The following FOXP2 variants were observed in gnomAD, a reference collection of about 807,000 sequenced individuals.
FOXP2 encodes forkhead box protein P2.
In FOXP2, 12 loss-of-function variants were observed where a neutral mutation model predicts 115.8. The observed-to-expected ratio is 0.10, with a 90% CI of 0.07 to 0.17. FOXP2 has a LOEUF of 0.17. Among genes scored for constraint, FOXP2 ranks in the 10% least tolerant of loss-of-function variants. The pLI is 1.00. For missense variants in FOXP2, 629 were observed against 843.5 expected (o/e 0.75, Z 3.15); for synonymous variants, 328 against 297.7 (o/e 1.10, Z -1.05).
intron 1 of FOXP2, among the ~76,000 whole-genome samples, chr7:114,286,460 A>C (rs1796470330): frequency 6.6e-6 from 1 of 152,032 alleles, no homozygotes; most frequent in South Asian, 2.1e-4. Context: ...TTCCCTATGA[A>C]TATTGGCAAG....
At chr7:114,379,308 G>A (rs536386596) in intron 2 of FOXP2, among the ~76,000 whole-genome samples, 9 of 152,202 alleles carry the variant, frequency 5.9e-5, no homozygotes, top group African/African-American at 1.2e-4. Context: ...TTGGTTGGGT[G>A]GGAGCTAAGT....
chr7:114,367,391 C>T (rs1164778716), intron 2 of FOXP2, among the ~76,000 whole-genome samples: 1 of 152,070 alleles, frequency 6.6e-6, no homozygotes, highest in East Asian at 1.9e-4. Flanking sequence ...CCAAAAAGCC[C>T]AGCTTTTCAG....
At chr7:114,289,532 A>T (rs1417294199) in intron 2 of FOXP2, among the ~76,000 whole-genome samples, 1 of 151,912 alleles carries the variant, frequency 6.6e-6, no homozygotes, top group Non-Finnish European at 1.5e-5. Flanking sequence ...ATTACTTTTG[A>T]GTAACAGGAT....
At chr7:114,142,629 G>A (rs1792250005) in intron 1 of FOXP2, among the ~76,000 whole-genome samples, 1 of 151,964 alleles carries the variant, frequency 6.6e-6, no homozygotes, top group Non-Finnish European at 1.5e-5. Context: ...GAATTGGTTG[G>A]CATTTGCCAT....
At chr7:114,527,075 TACTG>T (rs906217579) in intron 2 of FOXP2, among the ~76,000 whole-genome samples, 1 of 151,934 alleles carries the variant, frequency 6.6e-6, no homozygotes, top group African/African-American at 2.4e-5. Context: ...TGATTTTTGT[TACTG>T]ACTTTTTTTA....
chr7:114,145,690 T>C (rs1792352901), intron 1 of FOXP2, among the ~76,000 whole-genome samples: 1 of 152,038 alleles, frequency 6.6e-6, no homozygotes. Context: ...GCTAAAATGC[T>C]TAATTTCTAA....
chr7:114,103,400 T>A (rs745641195), intron 1 of FOXP2, among the ~76,000 whole-genome samples: 5 of 152,072 alleles, frequency 3.3e-5, no homozygotes, highest in Non-Finnish European at 7.4e-5. Flanking sequence ...CAGTGGCTCT[T>A]TAGGTTTTAA....
At chr7:114,672,203 AT>A (rs1259123108) in intron 16 of FOXP2, among the ~76,000 whole-genome samples, 1 of 152,240 alleles carries the variant, frequency 6.6e-6, no homozygotes, top group Non-Finnish European at 1.5e-5. Context: ...CTATAAAAAA[AT>A]GTATATTTGC....
At chr7:114,529,327 A>C (rs1183224132) in intron 2 of FOXP2, among the ~76,000 whole-genome samples, 1 of 151,816 alleles carries the variant, frequency 6.6e-6, no homozygotes, top group East Asian at 1.9e-4. Context: ...TTTGGACTTG[A>C]ACCTTGAAGA....
chr7:114,428,928 A>T (rs1442240094), intron 2 of FOXP2, among the ~76,000 whole-genome samples: 8 of 151,618 alleles, frequency 5.3e-5, no homozygotes, highest in African/African-American at 1.9e-4. Context: ...TTACACAAAG[A>T]GTTAAATTAC....
chr7:114,110,614 A>C (rs2129142121), intron 1 of FOXP2, among the ~76,000 whole-genome samples: 1 of 152,208 alleles, frequency 6.6e-6, no homozygotes, highest in Admixed American at 6.6e-5. Context: ...GGAAACCAGA[A>C]GATAATGGTT....
At chr7:114,557,278 A>G (rs1445132919) in intron 3 of FOXP2, among the ~76,000 whole-genome samples, 3 of 152,180 alleles carry the variant, frequency 2.0e-5, no homozygotes, top group South Asian at 2.1e-4. Flanking sequence ...CCTGAAAGCC[A>G]TTTCAGTAGA....
intron 2 of FOXP2, among the ~76,000 whole-genome samples, chr7:114,352,741 T>C (rs2129186101): frequency 6.6e-6 from 1 of 152,134 alleles, no homozygotes; most frequent in Non-Finnish European, 1.5e-5. Context: ...AAACATCCTG[T>C]CCCTAAATAC....
At chr7:114,512,397 A>T (rs1278013107) in intron 2 of FOXP2, among the ~76,000 whole-genome samples, 1 of 152,192 alleles carries the variant, frequency 6.6e-6, no homozygotes, top group Non-Finnish European at 1.5e-5. Flanking sequence ...GCTTATTTAT[A>T]ACCATAACAT....
chr7:114,325,999 A>G (rs938554511), intron 2 of FOXP2, among the ~76,000 whole-genome samples: 5 of 152,060 alleles, frequency 3.3e-5, no homozygotes, highest in African/African-American at 1.2e-4. Flanking sequence ...TTATGATAAT[A>G]ATCAGTGTGT....
At chr7:114,468,668 A>C (rs1303286451) in intron 2 of FOXP2, among the ~76,000 whole-genome samples, 2 of 152,130 alleles carry the variant, frequency 1.3e-5, no homozygotes, top group Non-Finnish European at 2.9e-5. Context: ...AAAGAATTTC[A>C]AACAATTCTT....
intron 3 of FOXP2, among the ~76,000 whole-genome samples, chr7:114,620,705 T>G (rs976871007): frequency 6.6e-6 from 1 of 151,968 alleles, no homozygotes; most frequent in African/African-American, 2.4e-5. Context: ...TAATTTGAAA[T>G]TAAATAGAGG....
chr7:114,334,940 T>TA (rs1797810760), intron 2 of FOXP2, among the ~76,000 whole-genome samples: 1 of 143,504 alleles, frequency 7.0e-6, no homozygotes, highest in Non-Finnish European at 1.5e-5. Flanking sequence ...TCTATATATA[T>TA]ATATATATAT....
intron 1 of FOXP2, among the ~76,000 whole-genome samples, chr7:114,090,706 G>A (rs1799524681): frequency 6.6e-6 from 1 of 151,756 alleles, no homozygotes; most frequent in African/African-American, 2.4e-5. Flanking sequence ...TTCCTTAGGT[G>A]AAATAAACAT....
Sources: allele counts gnomAD v4.1 joint callset (sites outside exome capture counted in the v4.1 genomes callset), GRCh38; gene constraint gnomAD v4.1.1; transcripts MANE v1.5; gene names NCBI Gene and HGNC (gene_info 2026-07-23, HGNC 2026-07-21).